The following KHNYN variants were observed in gnomAD, a reference collection of about 807,000 sequenced individuals.
The protein encoded by KHNYN is KH and NYN domain containing, also known as protein KHNYN.
In KHNYN, 42 loss-of-function variants were observed where a neutral mutation model predicts 62.7. That is an observed-to-expected ratio of 0.67 (90% CI 0.52 to 0.87). The LOEUF is 0.87. Among genes scored for constraint, KHNYN ranks in the 40% least tolerant of loss-of-function variants. The probability of loss-of-function intolerance (pLI) is 0.00; values close to 1 mark genes in which losing one functional copy is unlikely to be tolerated. For synonymous variants in KHNYN, 347 were observed against 345.6 expected, an observed-to-expected ratio of 1.00 and a Z score of -0.04; for missense variants, 829 against 874.1, an observed-to-expected ratio of 0.95 and a Z score of 0.65.
Position 24,432,179 on chromosome 14 carries a change from C to T in KHNYN, c.918C>T (p.Ala306=). ...AGTCAGCACCCCTGAAAGGGAAGGCCCTGGGGAAGGAGGAGATAGCTCTGG... is the reference window on the plus strand; with the variant it reads ...AGTCAGCACCCCTGAAAGGGAAGGCTCTGGGGAAGGAGGAGATAGCTCTGG... The part of the protein sequence containing the change: ...ARESAPLKGK[A]LGKEEIALGG... Residue 306 remains alanine, a synonymous_variant, in exon 3 of 8, where the codon GCC becomes GCT. Transcript: ENST00000553935. The surrounding 1 kb of genome is among the most constrained non-coding windows in gnomAD (Gnocchi z 5.6). 6.4e-7 allele frequency: 1 copy of T among 1,571,386 alleles called. No homozygotes were observed. The highest frequency in any genetic ancestry group is 8.6e-7 in the Non-Finnish European group (1 of 1,157,018).
chr14:24,431,653 C>T lies in KHNYN; in HGVS notation c.392C>T (p.Ala131Val), dbSNP rs2043115859. ...GGCCTGACTGAAGCCTTTGTCATGG[C>T]TCAGAGCCGGGTAGAAGAGCTGGCA... is the stretch of plus-strand genomic sequence containing the variant. ...ISGLTEAFVM[A>V]QSRVEELAER... The change falls in exon 3 of 8, where the codon GCT becomes GTT. Residue 131 changes from alanine (A) to valine (V), a missense_variant. Ala to Val is a moderately conservative substitution (Grantham distance 64). This residue lies in a region of KHNYN where 559 missense variants were observed against 527.0 expected (regional missense o/e 1.06). Coordinates refer to ENST00000553935, the MANE Select transcript of KHNYN (RefSeq NM_015299.3). 1 of 1,613,990 alleles carries T rather than the reference C, an allele frequency of 6.2e-7. No homozygotes were observed. Among genetic ancestry groups the T allele is most frequent in the Non-Finnish European group, 8.5e-7 (1 of 1,180,024 alleles).
chr14:24,427,683 T>C (rs184552844), upstream of KHNYN: 271 of 1,014,654 alleles, frequency 2.7e-4, 1 homozygote, highest in African/African-American at 3.7e-3. This position sits in a 1 kb window ranked among gnomAD's most constrained non-coding sequence, Gnocchi z 4.4. Context: ...AGAGGTGGGA[T>C]AGGAGCCAGA....
At position 24,441,290 on chromosome 14, in the gene KHNYN, C is replaced by A. The variant is rs1299006542; in HGVS notation, c.*4005C>A. The A allele has an allele frequency of 2.2e-6, 1 of 446,940 alleles. No individual in the cohort carries two copies. The highest frequency in any genetic ancestry group is 2.2e-5 in the South Asian group (1 of 45,822). 27.7% of individuals were successfully genotyped at this position (446,940 alleles called of 1,614,324 possible). Reference sequence around the variant, plus strand: ...TTTAAAATGGGAATAATAGTACCTACCTCATAGGGTTGTTGTAAGGAATAA... The same window carrying A: ...TTTAAAATGGGAATAATAGTACCTAACTCATAGGGTTGTTGTAAGGAATAA... On this transcript the variant is annotated 3_prime_UTR_variant, in exon 8 of 8. Transcript: ENST00000553935.
rs932791290 is a variant in KHNYN at position 24,441,114 on chromosome 14, G to A, written c.*3829G>A. On this transcript the variant is annotated 3_prime_UTR_variant, in exon 8 of 8. Transcript: ENST00000553935. ...GCGTTCCTTCCCTGGAGGAACTCTG[G>A]TTGCAGGGCTAAACTTAGAGGCTGC... 33 of 580,624 alleles carry A rather than the reference G, an allele frequency of 5.7e-5. No individual in the cohort carries two copies. The highest frequency in any genetic ancestry group is 9.7e-5 in the Non-Finnish European group (31 of 320,244). The allele number at this position is 580,624 out of a possible 1,614,324, so 36.0% of individuals were successfully genotyped here.
chr14:24,429,717 A>G (rs892795742), upstream of KHNYN: 2 of 985,274 alleles, frequency 2.0e-6, no homozygotes, highest in African/African-American at 1.7e-5. Flanking sequence ...ACAACTTTCA[A>G]CGCATGGTTC....
At chr14:24,435,397 T>C (rs2043190010) in intron 5 of KHNYN, 1 of 152,168 alleles carries the variant, frequency 6.6e-6, no homozygotes, top group East Asian at 1.9e-4. Flanking sequence ...AAAGGGCAAG[T>C]GTGGAAGAGT....
At chr14:24,430,297 G>A (rs1007796611) in intron 1 of KHNYN, 178 bp downstream of exon 1, 13 of 672,818 alleles carry the variant, frequency 1.9e-5, no homozygotes, top group Non-Finnish European at 1.8e-6. Context: ...TGGGGGAGGG[G>A]TGGGAGTGGC....
rs2043127929 is a variant in KHNYN at position 24,432,082 on chromosome 14, A to G, written c.821A>G (p.Glu274Gly). 1.3e-6 allele frequency: 2 copies of G among 1,564,192 alleles called. No homozygotes were observed. Among genetic ancestry groups the G allele is most frequent in the Non-Finnish European group, 1.7e-6 (2 of 1,153,614 alleles). The change falls in exon 3 of 8, where the codon GAG (glutamate) becomes GGG (glycine). Residue 274 changes from glutamate (E) to glycine (G), a missense_variant. Physicochemically the swap from Glu to Gly is moderately conservative, Grantham distance 98 (BLOSUM62 -2). Coordinates refer to ENST00000553935, the MANE Select transcript of KHNYN (RefSeq NM_015299.3). This position sits in a 1 kb window ranked among gnomAD's most constrained non-coding sequence, Gnocchi z 5.6. The part of the protein sequence containing the change: ...GPREMDWGWK[E>G]LPGEEAWERE... Reference sequence around the variant, plus strand: ...AGGGAGATGGATTGGGGGTGGAAGGAGTTGCCTGGGGAAGAGGCGTGGGAG... The same window carrying G: ...AGGGAGATGGATTGGGGGTGGAAGGGGTTGCCTGGGGAAGAGGCGTGGGAG...
intron 5 of KHNYN, 155 bp from the exon 6 acceptor site, chr14:24,435,917 G>T (rs2038502): frequency 6.4e-6 from 4 of 628,788 alleles, no homozygotes; most frequent in Non-Finnish European, 8.4e-6. Flanking sequence ...TTTTATTTTT[G>T]TAGATTTGGG....
At chr14:24,436,998 G>A in intron 7 of KHNYN, 38 bp from the exon 8 acceptor site, 1 of 1,587,712 alleles carries the variant, frequency 6.3e-7, no homozygotes, top group Non-Finnish European at 8.6e-7. Context: ...TTCCCCCCCA[G>A]GATGCTCATC....
At chr14:24,428,609 G>T, upstream of KHNYN, 1 of 1,072,792 alleles carries the variant, frequency 9.3e-7, no homozygotes, top group Non-Finnish European at 1.3e-6. Context: ...ACCGTCGGTG[G>T]GGTGGTGGGG....
Position 24,439,947 on chromosome 14 carries a change from A to G in KHNYN, c.*2662A>G. The G allele has an allele frequency of 1.4e-6, 1 of 691,248 alleles. No homozygotes were observed. Among genetic ancestry groups the G allele is most frequent in the South Asian group, 2.1e-5 (1 of 46,530 alleles). The allele number at this position is 691,248 out of a possible 1,614,324, so 42.8% of individuals were successfully genotyped here. The stretch of plus-strand genomic sequence containing the variant: ...CCTTGAGACAATAAGGTGGAGCAAC[A>G]GAACAATGGGAAAGAGGACTGGGAG... On this transcript the variant is annotated 3_prime_UTR_variant, in exon 8 of 8. Transcript: ENST00000553935.
upstream of KHNYN, chr14:24,428,514 GTAGGAGTGAA>G: frequency 7.4e-7 from 1 of 1,354,038 alleles, no homozygotes; most frequent in South Asian, 1.3e-5. Context: ...GGAGTGGCAA[GTAGGAGTGAA>G]TAGGAGTGAA....
At position 24,430,306 on chromosome 14, in the gene KHNYN, G is replaced by T. The variant is rs993588232; in HGVS notation, c.-18+187G>T. On this transcript the variant is annotated intron_variant, in intron 1 of 7. Transcript: ENST00000553935. ...GACGGCTGGGGGAGGGGTGGGAGTG[G>T]CTTGAACCTTGGAAATGGCAGACCA... 7.4e-6 allele frequency: 5 copies of T among 680,058 alleles called. No individual in the cohort carries two copies. In the African/African-American group the frequency reaches 9.7e-5, roughly 13 times the overall value. The allele number at this position is 680,058 out of a possible 1,614,324, so 42.1% of individuals were successfully genotyped here. A position where few individuals can be genotyped will look rare whatever the true frequency, so the allele number is the denominator to read the frequency against.
rs796786557 is a variant in KHNYN at position 24,438,365 on chromosome 14, A to G, written c.*1080A>G. On this transcript the variant is annotated 3_prime_UTR_variant, in exon 8 of 8. Coordinates refer to ENST00000553935, the MANE Select transcript of KHNYN (RefSeq NM_015299.3). ...GTGATCCGACCCTAACATTTTCTCTATGGAAGACGTATGTTGCATAAAGCA... is the reference window on the plus strand; with the variant it reads ...GTGATCCGACCCTAACATTTTCTCTGTGGAAGACGTATGTTGCATAAAGCA... 5.9e-5 allele frequency: 9 copies of G among 152,718 alleles called. No individual in the cohort carries two copies. Among genetic ancestry groups the G allele is most frequent in the Admixed American group, 3.9e-4 (6 of 15,304 alleles). The allele number at this position is 152,718 out of a possible 1,614,324, so 9.5% of individuals were successfully genotyped here.
Position 24,431,375 on chromosome 14 carries a change from C to T in KHNYN, c.202-88C>T, listed in dbSNP as rs183569075. ...AACATCATGTGGATACTCCAGACAT[C>T]CTGGAGCTCAGGAGCGAGCAAGGAG... On this transcript the variant is annotated intron_variant, in intron 2 of 7. Transcript: ENST00000553935. The T allele has an allele frequency of 2.6e-5, 27 of 1,051,052 alleles. No homozygotes were observed. The East Asian group carries it at 6.3e-4, about 25-fold the overall frequency. 65.1% of individuals were successfully genotyped at this position (1,051,052 alleles called of 1,614,324 possible).
rs2139398322 is a variant in KHNYN at position 24,437,405 on chromosome 14, G to C, written c.*120G>C. On this transcript the variant is annotated 3_prime_UTR_variant, in exon 8 of 8. Coordinates refer to ENST00000553935, the MANE Select transcript of KHNYN (RefSeq NM_015299.3). The surrounding 1 kb of genome is among the most constrained non-coding windows in gnomAD (Gnocchi z 5.5). The stretch of plus-strand genomic sequence containing the variant: ...AGAGGCACCCTGAGTTGGTGCTTTG[G>C]ATCAGGGAAGCCACTTTGGGACAGG... 8.0e-7 allele frequency: 1 copy of C among 1,250,788 alleles called. No individual in the cohort carries two copies. The highest frequency in any genetic ancestry group is 1.1e-6 in the Non-Finnish European group (1 of 914,736). 77.5% of individuals were successfully genotyped at this position (1,250,788 alleles called of 1,614,324 possible).
intron 5 of KHNYN, chr14:24,434,204 T>C (rs952485041): frequency 1.0e-6 from 1 of 985,336 alleles, no homozygotes; most frequent in African/African-American, 1.7e-5. Context: ...AAGGCATGTG[T>C]CTGCCCAGTT....
In KHNYN at chr14:24,440,968, C is replaced by T. The variant is rs1219491167; in HGVS notation, c.*3683C>T. ...ATCATTTGCCCTGGGTGTCCTTGGT[C>T]CTGCCTGGCTCTCTGTAGTGGAGGC... On this transcript the variant is annotated 3_prime_UTR_variant, in exon 8 of 8. Coordinates refer to ENST00000553935, the MANE Select transcript of KHNYN (RefSeq NM_015299.3). 4.3e-6 allele frequency: 7 copies of T among 1,612,658 alleles called. No homozygotes were observed. Among genetic ancestry groups the T allele is most frequent in the African/African-American group, 2.7e-5 (2 of 75,030 alleles).
Sources: allele counts gnomAD v4.1 joint callset, GRCh38; gene constraint gnomAD v4.1.1; regional missense constraint gnomAD v4.1.1; non-coding constraint Gnocchi (gnomAD v3.1); transcripts MANE v1.5; gene names NCBI Gene and HGNC (gene_info 2026-07-23, HGNC 2026-07-21).